Variants in COPA observed in about 807,000 individuals in gnomAD.
COPA encodes the protein coat protein complex I subunit alpha.
COPA carries 10 observed loss-of-function variants against 158.7 expected under a neutral mutation model. The ratio of observed to expected loss-of-function variants is 0.06; its 90% CI spans 0.04 to 0.11. The LOEUF (loss-of-function observed/expected upper bound fraction) is 0.11, where lower values mean the gene tolerates loss of function less well. Ranked by LOEUF, COPA falls within the 10% of genes least tolerant of loss-of-function variation. The pLI is 1.00. For missense variants in COPA, 1,065 were observed against 1,536.7 expected (o/e 0.69, Z 5.13); for synonymous variants, 462 against 542.8 (o/e 0.85, Z 2.07).
At chr1:160,323,665 CT>C in intron 7 of COPA, 135 bp from the exon 8 acceptor site, 3 of 511,828 alleles carry the variant, frequency 5.9e-6, no homozygotes, top group Non-Finnish European at 9.3e-6. Flanking sequence ...CTACGCTGCT[CT>C]AAAATTTTGA....
rs1299114819 is a variant in COPA at position 160,317,349 on chromosome 1, C to T, written c.707-3224G>A. 3 of 1,570,646 alleles carry T rather than the reference C, an allele frequency of 1.9e-6. No individual in the cohort carries two copies. The Admixed American group carries it at 5.0e-5, about 26-fold the overall frequency. On this transcript the variant is annotated intron_variant, in intron 8 of 32. Coordinates refer to ENST00000241704, the MANE Select transcript of COPA (RefSeq NM_004371.4). ...TTGTAAACCCCGGAGTGAGGTTCTG[C>T]TTACCCGAGGCCGCTGCTGTGCGGA... is the stretch of plus-strand genomic sequence containing the variant.
rs761026418 is a variant in COPA at position 160,290,591 on chromosome 1, T to C, written c.3516A>G (p.Ser1172=). ...MHNPFDICAA[S]YRPIYRGKPV... The stretch of plus-strand genomic sequence containing the variant: ...GCTTTCCACGGTAGATGGGCCGATA[T>C]GATGCAGCACAAATGTCAAAGGGGT... The change falls in exon 32 of 33, where the codon TCA becomes TCG. Residue 1172 remains serine, a synonymous_variant. Coordinates refer to ENST00000241704, the MANE Select transcript of COPA (RefSeq NM_004371.4). The C allele has an allele frequency of 1.3e-5, 21 of 1,614,076 alleles. No homozygotes were observed. Among genetic ancestry groups the C allele is most frequent in the Admixed American group, 1.7e-5 (1 of 59,994 alleles).
rs1658515221 is a variant in COPA, at chr1:160,299,209, C to T, written c.1723G>A (p.Gly575Ser). Reference sequence around the variant, plus strand: ...CTGTCTAGGCAGTATACATTGTTGCCCTTCACCCGTGTGACATAGATGGGT... The same window carrying T: ...CTGTCTAGGCAGTATACATTGTTGCTCTTCACCCGTGTGACATAGATGGGT... ...DLPIYVTRVKGNNVYCLDREC... is the reference protein window; with the variant it reads ...DLPIYVTRVKSNNVYCLDREC... The change falls in exon 18 of 33, where the codon GGC (glycine) becomes AGC (serine). Residue 575 changes from glycine to serine, a missense_variant. Coordinates refer to ENST00000241704, the MANE Select transcript of COPA (RefSeq NM_004371.4). The T allele has an allele frequency of 3.1e-6, 5 of 1,614,000 alleles. No homozygotes were observed. Among genetic ancestry groups the T allele is most frequent in the African/African-American group, 1.3e-5 (1 of 74,900 alleles).
chr1:160,307,319 G>T, intron 13 of COPA, 74 bp from the exon 14 acceptor site: 1 of 1,401,036 alleles, frequency 7.1e-7, no homozygotes, highest in Non-Finnish European at 1.0e-6. Context: ...GTGCCATGGA[G>T]CTGCCAGTCT....
intron 8 of COPA, among the ~76,000 whole-genome samples, chr1:160,317,863 T>C (rs1204482732): frequency 1.3e-5 from 2 of 151,904 alleles, no homozygotes; most frequent in African/African-American, 4.9e-5. Context: ...TCATTATTGT[T>C]TATTTTCATT....
rs773512633 is a variant in COPA, at chr1:160,297,334, G to A, written c.2263+9C>T. ...ACCCTGAAAAAGCTGGCAAGTCTCGGATACTTACTCTGTCCACAGTTCTTC... is the reference window on the plus strand; with the variant it reads ...ACCCTGAAAAAGCTGGCAAGTCTCGAATACTTACTCTGTCCACAGTTCTTC... On this transcript the variant is annotated intron_variant, in intron 21 of 32. Transcript: ENST00000241704. 1 of 1,613,230 alleles carries A rather than the reference G, an allele frequency of 6.2e-7. No homozygotes were observed. The highest frequency in any genetic ancestry group is 1.7e-5 in the Admixed American group (1 of 60,006).
chr1:160,307,293 C>T, intron 13 of COPA, 48 bp from the exon 14 acceptor site: 1 of 1,578,796 alleles, frequency 6.3e-7, no homozygotes, highest in Non-Finnish European at 8.7e-7. Context: ...GAGTCACTGG[C>T]AGGTGACATA....
At chr1:160,309,886 T>C (rs1658909061) in intron 12 of COPA, among the ~76,000 whole-genome samples, 1 of 152,090 alleles carries the variant, frequency 6.6e-6, no homozygotes, top group South Asian at 2.1e-4. Context: ...AGGTAAACAT[T>C]TTCTTTCCAT....
At position 160,295,803 on chromosome 1, in the gene COPA, T is replaced by C; in HGVS notation, c.2409A>G (p.Pro803=). The change falls in exon 23 of 33, where the codon CCA becomes CCG. Residue 803 remains proline, a synonymous_variant. Transcript: ENST00000241704. ...KLLQPPAPIM[P]LDTNWPLLTV... ...TCAATAAAGGCCAATTGGTATCCAA[T>C]GGCATGATAGGTGCAGGTGGCTGGA... 1 of 1,613,646 alleles carries C rather than the reference T, an allele frequency of 6.2e-7. No homozygotes were observed. The highest frequency in any genetic ancestry group is 8.5e-7 in the Non-Finnish European group (1 of 1,179,882).
chr1:160,298,023 CA>C (rs541581539), intron 19 of COPA, among the ~76,000 whole-genome samples: 1 of 151,294 alleles, frequency 6.6e-6, no homozygotes, highest in African/African-American at 2.4e-5. Context: ...ACTAAAAATA[CA>C]AAAAAAATTA....
chr1:160,330,124 C>T (rs1164491647), intron 6 of COPA, among the ~76,000 whole-genome samples: 1 of 151,872 alleles, frequency 6.6e-6, no homozygotes, highest in Non-Finnish European at 1.5e-5. Context: ...ACCGCCACCC[C>T]CCCCAAAAAA....
At chr1:160,302,832 G>A (rs2101833561) in intron 17 of COPA, among the ~76,000 whole-genome samples, 1 of 152,156 alleles carries the variant, frequency 6.6e-6, no homozygotes, top group East Asian at 2.0e-4. Context: ...GGGATTACAG[G>A]CGTGAGCGAC....
chr1:160,318,423 A>C (rs1362963214), intron 8 of COPA, among the ~76,000 whole-genome samples: 1 of 140,052 alleles, frequency 7.1e-6, no homozygotes, highest in Non-Finnish European at 1.5e-5. Flanking sequence ...ATGGGTTTTA[A>C]ATGGACATTG....
intron 31 of COPA, 54 bp from the exon 32 acceptor site, chr1:160,290,740 A>G: frequency 6.5e-7 from 1 of 1,538,006 alleles, no homozygotes; most frequent in Non-Finnish European, 9.0e-7. Context: ...CAACACCTCA[A>G]AGGATCCCAA....
intron 15 of COPA, 147 bp downstream of exon 15, chr1:160,306,207 G>C: frequency 3.6e-6 from 3 of 835,398 alleles, no homozygotes; most frequent in Non-Finnish European, 3.7e-6. Context: ...AGTGATCACA[G>C]AAGGGAAAAG....
intron 13 of COPA, chr1:160,308,866 A>C: frequency 2.2e-6 from 1 of 451,002 alleles, no homozygotes; most frequent in South Asian, 3.8e-5. Context: ...GAGAATGGAG[A>C]GTTTCTAATA....
Position 160,292,140 on chromosome 1 carries a change from T to C in COPA, c.3019A>G (p.Ile1007Val). 1 of 1,614,066 alleles carries C rather than the reference T, an allele frequency of 6.2e-7. No individual in the cohort carries two copies. The highest frequency in any genetic ancestry group is 1.3e-5 in the African/African-American group (1 of 75,026). The change falls in exon 29 of 33, where the codon ATC becomes GTC. Residue 1007 changes from isoleucine to valine, a missense_variant. Ile to Val is a conservative substitution (Grantham distance 29). This residue lies in a region of COPA where 980 missense variants were observed against 1,357.8 expected (regional missense o/e 0.72). Transcript: ENST00000241704. ...PAVGLKLNDL[I>V]QRLQLCYQLT... The stretch of plus-strand genomic sequence containing the variant: ...TGGTAGCACAGCTGCAACCGTTGGA[T>C]GAGGTCATTAAGCTTCAGGCCCACA...
chr1:160,300,401 C>A (rs1402023032), intron 17 of COPA, among the ~76,000 whole-genome samples: 1 of 149,448 alleles, frequency 6.7e-6, no homozygotes. Context: ...ATAGAAGGAT[C>A]AAACTCCTAA....
intron 28 of COPA, 60 bp downstream of exon 28, chr1:160,292,424 A>G (rs1190905976): frequency 5.0e-6 from 8 of 1,607,418 alleles, no homozygotes; most frequent in Admixed American, 1.7e-5. Flanking sequence ...CACTGAGGCT[A>G]CCATCTGAAA....
Sources: allele counts gnomAD v4.1 joint callset (sites outside exome capture counted in the v4.1 genomes callset), GRCh38; gene constraint gnomAD v4.1.1; regional missense constraint gnomAD v4.1.1; transcripts MANE v1.5; gene names NCBI Gene and HGNC (gene_info 2026-07-23, HGNC 2026-07-21).